Variants in RERE observed in about 807,000 individuals in gnomAD.
The protein encoded by RERE is arginine-glutamic acid dipeptide repeats.
In RERE, 40 loss-of-function variants were observed where a neutral mutation model predicts 146.1. The ratio of observed to expected loss-of-function variants is 0.27; its 90% confidence interval spans 0.21 to 0.36. The LOEUF (loss-of-function observed/expected upper bound fraction) is 0.36, where lower values mean the gene tolerates loss of function less well. Among genes scored for constraint, RERE ranks in the 10% least tolerant of loss-of-function variants. The pLI is 1.00. For missense variants in RERE, 1,933 were observed against 2,138.7 expected (o/e 0.90, Z 1.90); for synonymous variants, 1,003 against 866.0 (o/e 1.16, Z -2.78).
chr1:8,805,150 G>A (rs1225129636), intron 1 of RERE, among the ~76,000 whole-genome samples: 4 of 151,176 alleles, frequency 2.6e-5, no homozygotes, highest in African/African-American at 7.3e-5. Context: ...GATTACAGAT[G>A]CCCGCCACCA....
intron 7 of RERE, among the ~76,000 whole-genome samples, chr1:8,514,760 AAAGAC>A (rs1345275074): frequency 1.3e-5 from 2 of 152,020 alleles, no homozygotes; most frequent in African/African-American, 4.8e-5. Flanking sequence ...AAAAGAAAGA[AAAGAC>A]AAGACAAGAA....
chr1:8,798,637 A>G, intron 1 of RERE: 1 of 218,528 alleles, frequency 4.6e-6, no homozygotes. Flanking sequence ...ATCCCCACAA[A>G]CTGACAGCTG....
chr1:8,575,383 CTTTT>C (rs57789307), intron 4 of RERE, among the ~76,000 whole-genome samples: 1 of 135,502 alleles, frequency 7.4e-6, no homozygotes. Context: ...AAAAAGTAAC[CTTTT>C]TTTTTTTTTT....
chr1:8,742,807 A>T (rs529065994), intron 1 of RERE, among the ~76,000 whole-genome samples: 2 of 151,488 alleles, frequency 1.3e-5, no homozygotes, highest in African/African-American at 4.9e-5. Flanking sequence ...GGTTGAGGCT[A>T]CACTGAGCTG....
At chr1:8,798,038 C>T (rs1227699471) in intron 1 of RERE, among the ~76,000 whole-genome samples, 1 of 152,132 alleles carries the variant, frequency 6.6e-6, no homozygotes, top group Non-Finnish European at 1.5e-5. Context: ...GTGGGAGGAT[C>T]GATTGAGGCC....
intron 11 of RERE, among the ~76,000 whole-genome samples, chr1:8,447,221 C>T (rs1644333893): frequency 6.6e-6 from 1 of 151,670 alleles, no homozygotes; most frequent in South Asian, 2.1e-4. Flanking sequence ...TCTTAGCTTC[C>T]TCGCATTGGG....
chr1:8,794,474 C>G (rs1410668734), intron 1 of RERE, among the ~76,000 whole-genome samples: 1 of 151,526 alleles, frequency 6.6e-6, no homozygotes, highest in Admixed American at 6.6e-5. Flanking sequence ...GTTGAGGTGG[C>G]AGGGAAAACT....
Position 8,360,707 on chromosome 1 carries a change from T to C in RERE, c.2800A>G (p.Thr934Ala). Residue 934 changes from threonine (T) to alanine (A), a missense_variant, in exon 18 of 23, where the codon ACT becomes GCT. Around this residue, in one of 11 missense-constraint regions of RERE, gnomAD observed 1,255 missense variants for 1,153.8 expected, o/e 1.09. Coordinates refer to ENST00000400908, the MANE Select transcript of RERE (RefSeq NM_001042681.2). ...AMPHIKPPPT[T>A]PIPQLPAPQA... ...GGCGCCGGCAGCTGGGGGATGGGAG[T>C]GGTAGGCGGGGGCTTGATGTGGGGC... The C allele has an allele frequency of 6.7e-7, 1 of 1,487,268 alleles. No individual in the cohort carries two copies. Among genetic ancestry groups the C allele is most frequent in the Non-Finnish European group, 8.9e-7 (1 of 1,118,072 alleles). The allele number at this position is 1,487,268 out of a possible 1,614,324, so 92.1% of individuals were successfully genotyped here. A position where few individuals can be genotyped will look rare whatever the true frequency, so the allele number is the denominator to read the frequency against.
chr1:8,387,084 A>G (rs1317055615), intron 12 of RERE, among the ~76,000 whole-genome samples: 2 of 152,240 alleles, frequency 1.3e-5, no homozygotes, highest in Non-Finnish European at 2.9e-5. Context: ...TAAGTCAACT[A>G]TCAACAATTA....
intron 1 of RERE, among the ~76,000 whole-genome samples, chr1:8,670,614 G>A (rs962243439): frequency 2.0e-5 from 3 of 152,190 alleles, no homozygotes; most frequent in African/African-American, 7.2e-5. Flanking sequence ...GGACCTAAAC[G>A]AAGCAAGGTG....
At chr1:8,608,036 GTTT>G (rs1646743430) in intron 4 of RERE, among the ~76,000 whole-genome samples, 1 of 151,612 alleles carries the variant, frequency 6.6e-6, no homozygotes, top group Non-Finnish European at 1.5e-5. Context: ...TAACGTTTTT[GTTT>G]TTGTTTTTTT....
At chr1:8,391,815 C>T (rs912149983) in intron 12 of RERE, among the ~76,000 whole-genome samples, 13 of 152,156 alleles carry the variant, frequency 8.5e-5, no homozygotes, top group African/African-American at 3.1e-4. Context: ...ACAGGTGGAT[C>T]GCCTGAGGTC....
intron 3 of RERE, among the ~76,000 whole-genome samples, chr1:8,621,200 C>G (rs1230525854): frequency 6.6e-6 from 1 of 152,100 alleles, no homozygotes; most frequent in Non-Finnish European, 1.5e-5. Flanking sequence ...GGACAACAGA[C>G]AGGGATCAGG....
chr1:8,476,073 T>C (rs1459358679), intron 10 of RERE, among the ~76,000 whole-genome samples: 2 of 152,186 alleles, frequency 1.3e-5, no homozygotes, highest in African/African-American at 2.4e-5. Context: ...GAAACTACAA[T>C]GTTCCAGGAA....
chr1:8,558,011 C>T (rs1202646973), intron 4 of RERE, among the ~76,000 whole-genome samples: 3 of 152,142 alleles, frequency 2.0e-5, no homozygotes, highest in Non-Finnish European at 4.4e-5. Flanking sequence ...TTGCCTATTA[C>T]CCAGACTAAA....
chr1:8,405,092 G>C (rs1344248758), intron 12 of RERE, among the ~76,000 whole-genome samples: 3 of 152,190 alleles, frequency 2.0e-5, no homozygotes, highest in Non-Finnish European at 4.4e-5. Flanking sequence ...AGAAAAAGGA[G>C]ACTGCAGGCT....
At chr1:8,659,511 T>G (rs571623069) in intron 1 of RERE, among the ~76,000 whole-genome samples, 1 of 152,324 alleles carries the variant, frequency 6.6e-6, no homozygotes, top group African/African-American at 2.4e-5. Context: ...GAGCCAAGAT[T>G]GTGCCATGGC....
At chr1:8,601,139 C>A (rs1646619400) in intron 4 of RERE, among the ~76,000 whole-genome samples, 7 of 150,880 alleles carry the variant, frequency 4.6e-5, no homozygotes, top group Admixed American at 4.6e-4. Flanking sequence ...CCTGCCTCAG[C>A]CTCCCAAGTT....
chr1:8,375,251 G>A (rs1219752825), intron 12 of RERE, among the ~76,000 whole-genome samples: 1 of 152,170 alleles, frequency 6.6e-6, no homozygotes, highest in African/African-American at 2.4e-5. Context: ...AATGGATACC[G>A]AATTGCCACT....
Sources: allele counts gnomAD v4.1 joint callset (sites outside exome capture counted in the v4.1 genomes callset), GRCh38; gene constraint gnomAD v4.1.1; regional missense constraint gnomAD v4.1.1; transcripts MANE v1.5; gene names NCBI Gene and HGNC (gene_info 2026-07-23, HGNC 2026-07-21).